Variants in STXBP6 observed in about 807,000 individuals in gnomAD.
STXBP6 encodes syntaxin binding protein 6, also known as syntaxin-binding protein 6.
In STXBP6, 21 loss-of-function variants were observed where a neutral mutation model predicts 26.9. The ratio of observed to expected loss-of-function variants is 0.78; its 90% CI spans 0.55 to 1.12. The LOEUF is 1.12. Among genes scored for constraint, STXBP6 ranks in the 50% most tolerant of loss-of-function variants. The pLI, the probability that STXBP6 is intolerant of heterozygous loss-of-function variation, is 0.00. For synonymous variants in STXBP6, 97 were observed against 92.6 expected (o/e 1.05, Z -0.27); for missense variants, 232 against 257.9 (o/e 0.90, Z 0.69).
intron 4 of STXBP6, among the ~76,000 whole-genome samples, chr14:24,830,046 G>T (rs929616130): frequency 6.6e-6 from 1 of 152,084 alleles, no homozygotes; most frequent in African/African-American, 2.4e-5. Flanking sequence ...CTGGGGAAAA[G>T]TCCATGTGCA....
chr14:24,925,750 G>A (rs988811202), intron 2 of STXBP6, among the ~76,000 whole-genome samples: 1 of 152,014 alleles, frequency 6.6e-6, no homozygotes, highest in Non-Finnish European at 1.5e-5. Flanking sequence ...CTTATATAAT[G>A]GGTTTTTAAA....
chr14:24,829,744 C>T (rs190112144), intron 4 of STXBP6, among the ~76,000 whole-genome samples: 15 of 151,834 alleles, frequency 9.9e-5, no homozygotes, highest in Admixed American at 2.0e-4. Flanking sequence ...CTGGGAACAC[C>T]GTTGTAGGCA....
intron 4 of STXBP6, among the ~76,000 whole-genome samples, chr14:24,849,374 G>A (rs2069071060): frequency 1.3e-5 from 2 of 152,192 alleles, no homozygotes; most frequent in Non-Finnish European, 1.5e-5. Flanking sequence ...ATTTTCAACT[G>A]AATTCACACA....
chr14:25,005,573 G>A (rs1359707868), intron 1 of STXBP6, among the ~76,000 whole-genome samples: 1 of 152,194 alleles, frequency 6.6e-6, no homozygotes, highest in Non-Finnish European at 1.5e-5. Flanking sequence ...TTTATTTGCT[G>A]AGAAAGTTGC....
intron 1 of STXBP6, among the ~76,000 whole-genome samples, chr14:24,996,864 CAAAAA>C (rs753413417): frequency 1.3e-4 from 8 of 60,892 alleles, no homozygotes; most frequent in Non-Finnish European, 2.2e-4. Context: ...AACTCTGTCT[CAAAAA>C]AAAAAAAAAA....
chr14:24,856,970 T>A, intron 3 of STXBP6, 57 bp downstream of exon 3: 1 of 1,588,478 alleles, frequency 6.3e-7, no homozygotes, highest in Non-Finnish European at 8.6e-7. Context: ...CCAAGGTCAA[T>A]CAGAGAGTCA....
rs147557535 is a variant in STXBP6, at chr14:24,819,101, C to T, written c.545G>A (p.Arg182Gln). 1.4e-5 allele frequency: 23 copies of T among 1,613,860 alleles called. No homozygotes were observed. The highest frequency in any genetic ancestry group is 3.3e-5 in the Admixed American group (2 of 59,994). The change falls in exon 5 of 6, where the codon CGA (arginine) becomes CAA (glutamine). Residue 182 changes from arginine to glutamine, a missense_variant. Arg to Gln is a conservative substitution (Grantham distance 43). Transcript: ENST00000323944. ...CAGGTCTTCTGTCTTCTCCTCTGCT[C>T]GGCCTAATCGCTCTCCACGCTCATT... ...ALNERGERLG[R>Q]AEEKTEDLKN...
At chr14:25,012,918 T>C (rs1387793421) in intron 1 of STXBP6, among the ~76,000 whole-genome samples, 1 of 151,904 alleles carries the variant, frequency 6.6e-6, no homozygotes, top group Non-Finnish European at 1.5e-5. Context: ...GATGAGACAA[T>C]TTTAGTTTCA....
intron 2 of STXBP6, among the ~76,000 whole-genome samples, chr14:24,934,488 G>A (rs2072528161): frequency 6.6e-6 from 1 of 152,066 alleles, no homozygotes; most frequent in Non-Finnish European, 1.5e-5. Flanking sequence ...AGAACGTAAG[G>A]ACAAAATGTA....
intron 1 of STXBP6, among the ~76,000 whole-genome samples, chr14:25,032,516 G>T (rs1393469736): frequency 6.6e-6 from 1 of 152,216 alleles, no homozygotes; most frequent in Non-Finnish European, 1.5e-5. Context: ...GAAGGATCGA[G>T]TGGAAAAAAG....
chr14:24,840,281 G>T (rs1450261313), intron 4 of STXBP6, among the ~76,000 whole-genome samples: 1 of 152,164 alleles, frequency 6.6e-6, no homozygotes, highest in African/African-American at 2.4e-5. Context: ...TACTTTCCAG[G>T]CTAGCTGGCA....
intron 1 of STXBP6, among the ~76,000 whole-genome samples, chr14:25,032,447 C>G (rs2075475889): frequency 6.6e-6 from 1 of 152,238 alleles, no homozygotes; most frequent in Non-Finnish European, 1.5e-5. Context: ...TAACTCATCT[C>G]TCCCCCAGTC....
At chr14:24,983,827 A>G (rs2074260061) in intron 1 of STXBP6, among the ~76,000 whole-genome samples, 1 of 152,236 alleles carries the variant, frequency 6.6e-6, no homozygotes, top group African/African-American at 2.4e-5. Flanking sequence ...AAAAATAATG[A>G]GCCTTTAAAG....
At chr14:24,834,092 C>T (rs896814459) in intron 4 of STXBP6, among the ~76,000 whole-genome samples, 5 of 152,042 alleles carry the variant, frequency 3.3e-5, no homozygotes, top group African/African-American at 9.7e-5. Flanking sequence ...ACCTACTGGG[C>T]TCAAGTGATC....
intron 2 of STXBP6, among the ~76,000 whole-genome samples, chr14:24,867,896 T>A (rs183764576): frequency 1.7e-3 from 266 of 152,296 alleles, no homozygotes; most frequent in Non-Finnish European, 3.3e-3. Flanking sequence ...TTGCAAATCA[T>A]ATCTGATAAA....
intron 1 of STXBP6, among the ~76,000 whole-genome samples, chr14:25,042,947 T>C (rs1253054947): frequency 6.6e-6 from 1 of 152,234 alleles, no homozygotes; most frequent in East Asian, 1.9e-4. Context: ...GAACCCTCTT[T>C]AAATAGAGAT....
chr14:24,881,775 A>G (rs2070365381), intron 2 of STXBP6, among the ~76,000 whole-genome samples: 1 of 152,138 alleles, frequency 6.6e-6, no homozygotes, highest in Non-Finnish European at 1.5e-5. Context: ...TCCAGTCATC[A>G]CTCTGAAATG....
intron 2 of STXBP6, among the ~76,000 whole-genome samples, chr14:24,954,766 C>A (rs1422532914): frequency 2.0e-5 from 3 of 152,202 alleles, no homozygotes; most frequent in Admixed American, 2.0e-4. Flanking sequence ...AACAGTCCCC[C>A]CTTGGCTTTC....
intron 5 of STXBP6, among the ~76,000 whole-genome samples, chr14:24,818,707 G>A (rs1468853736): frequency 6.6e-6 from 1 of 152,126 alleles, no homozygotes. Flanking sequence ...TCGAAGACCT[G>A]ATCTCTTCTC....
Sources: gnomAD v4.1 joint callset for allele counts (sites outside exome capture counted in the v4.1 genomes callset) on GRCh38, gnomAD v4.1.1 for gene constraint, MANE v1.5 for transcripts, NCBI Gene and HGNC (gene_info 2026-07-23, HGNC 2026-07-21) for gene names.